Variants in DPH6 observed in about 807,000 individuals in gnomAD.
The protein encoded by DPH6 is diphthine--ammonia ligase.
Under a neutral mutation model 38.2 loss-of-function variants are expected in DPH6, and 33 were observed. The observed-to-expected ratio is 0.86, with a 90% CI of 0.65 to 1.15. The LOEUF (loss-of-function observed/expected upper bound fraction) is 1.15. Ranked by LOEUF, DPH6 falls within the 50% of genes most tolerant of loss-of-function variation. The pLI is 0.00. For missense variants in DPH6, 325 were observed against 320.0 expected (o/e 1.02, Z -0.12); for synonymous variants, 108 against 103.0 (o/e 1.05, Z -0.30).
At chr15:35,430,790 T>G (rs1205223817) in intron 5 of DPH6, among the ~76,000 whole-genome samples, 1 of 152,182 alleles carries the variant, frequency 6.6e-6, no homozygotes, top group African/African-American at 2.4e-5. Flanking sequence ...AAATTATTAT[T>G]TAGAAATTGT....
rs576860866 is a variant in DPH6 at position 35,272,146 on chromosome 15, AC to A, written n.201-51565del. Reference sequence around the variant, plus strand: ...ATAAAAATAACAATACAATAAAAAAACACAAAAAACCAATAGAGTATAACAA... The same window carrying A: ...ATAAAAATAACAATACAATAAAAAAAACAAAAAACCAATAGAGTATAACAA... On this transcript the variant is annotated intron_variant and non_coding_transcript_variant, in intron 3 of 3. Transcript: ENST00000560386. Among the ~76,000 whole-genome samples the A allele has an allele frequency of 1.2e-3, 184 of 152,324 alleles. 1 individual carries two copies. The highest frequency in any genetic ancestry group is 6.8e-3 in the Middle Eastern group (2 of 294).
chr15:35,225,462 G>A (rs888340069), intron 3 of DPH6, among the ~76,000 whole-genome samples: 1 of 152,144 alleles, frequency 6.6e-6, no homozygotes, highest in Non-Finnish European at 1.5e-5. Flanking sequence ...TTATGTATAT[G>A]GTTTTTATAC....
chr15:35,226,122 C>CA (rs2051478880), intron 3 of DPH6, among the ~76,000 whole-genome samples: 1 of 150,568 alleles, frequency 6.6e-6, no homozygotes, highest in African/African-American at 2.4e-5. Flanking sequence ...TATCTCATCA[C>CA]AAAAAATAAA....
the DPH6 span, among the ~76,000 whole-genome samples, chr15:35,208,590 A>G: frequency 1.3e-5 from 2 of 152,238 alleles, no homozygotes; most frequent in South Asian, 4.1e-4. Flanking sequence ...TCTGATCAAA[A>G]GAGACACTAG....
chr15:35,207,905 G>A, the DPH6 span, among the ~76,000 whole-genome samples: 11 of 152,140 alleles, frequency 7.2e-5, no homozygotes, highest in African/African-American at 2.7e-4. Context: ...GTGGGAATTT[G>A]CAATACATTT....
intron 3 of DPH6, among the ~76,000 whole-genome samples, chr15:35,322,106 G>A (rs2052245625): frequency 6.6e-6 from 1 of 152,096 alleles, no homozygotes; most frequent in African/African-American, 2.4e-5. Context: ...ATGGGTCCAC[G>A]TGGGCTCAGA....
At chr15:35,428,517 G>A (rs994846370) in intron 5 of DPH6, among the ~76,000 whole-genome samples, 1 of 152,006 alleles carries the variant, frequency 6.6e-6, no homozygotes, top group African/African-American at 2.4e-5. Flanking sequence ...AAAAAACAAG[G>A]GACATGCAGT....
chr15:35,530,801 T>C (rs2055075390), intron 3 of DPH6, among the ~76,000 whole-genome samples: 1 of 152,244 alleles, frequency 6.6e-6, no homozygotes, highest in African/African-American at 2.4e-5. Flanking sequence ...TCATGCACGC[T>C]TGACTTTATC....
chr15:35,258,224 G>A (rs1029618945), intron 3 of DPH6, among the ~76,000 whole-genome samples: 2 of 152,196 alleles, frequency 1.3e-5, no homozygotes, highest in Non-Finnish European at 2.9e-5. Flanking sequence ...CTAATGGTGT[G>A]AGAGGTAGGA....
intron 3 of DPH6, among the ~76,000 whole-genome samples, chr15:35,294,189 C>T (rs2051999298): frequency 6.6e-6 from 1 of 152,154 alleles, no homozygotes; most frequent in Admixed American, 6.5e-5. Context: ...CCTCCTACTC[C>T]ATCCCCAACC....
At chr15:35,342,618 GC>G (rs1381908523) in intron 3 of DPH6, among the ~76,000 whole-genome samples, 1 of 152,146 alleles carries the variant, frequency 6.6e-6, no homozygotes, top group East Asian at 1.9e-4. Flanking sequence ...GGCCATGTTG[GC>G]CCCTCCAAAG....
the DPH6 span, among the ~76,000 whole-genome samples, chr15:35,150,058 G>A: frequency 1.3e-5 from 2 of 152,216 alleles, no homozygotes; most frequent in African/African-American, 4.8e-5. Flanking sequence ...TTTCTCTGAG[G>A]AGAATGAGGA....
chr15:35,317,759 G>T (rs1280546301), intron 3 of DPH6, among the ~76,000 whole-genome samples: 1 of 152,012 alleles, frequency 6.6e-6, no homozygotes, highest in Non-Finnish European at 1.5e-5. Context: ...GGACTAAAAT[G>T]ATTAATAACA....
chr15:35,396,010 T>G (rs998681826), intron 6 of DPH6, among the ~76,000 whole-genome samples: 2 of 152,190 alleles, frequency 1.3e-5, no homozygotes, highest in African/African-American at 4.8e-5. Context: ...CATATTGGAA[T>G]AGCCACTAAC....
intron 6 of DPH6, among the ~76,000 whole-genome samples, chr15:35,408,524 G>A (rs1016563228): frequency 7.2e-5 from 11 of 151,914 alleles, no homozygotes; most frequent in African/African-American, 1.4e-4. Context: ...AGACTTGGGA[G>A]TCATCAGAAT....
intron 3 of DPH6, chr15:35,521,063 A>G (rs553996546): frequency 3.0e-6 from 3 of 985,108 alleles, no homozygotes; most frequent in Non-Finnish European, 3.6e-6. Context: ...ATTTTATTAC[A>G]AAAGCTCCAG....
In DPH6 at chr15:35,454,685, T is replaced by G. The variant is rs2053974572; in HGVS notation, c.386+62A>C. On this transcript the variant is annotated intron_variant, in intron 4 of 8. Coordinates refer to ENST00000256538, the MANE Select transcript of DPH6 (RefSeq NM_080650.4). ...ATAATTTGAATATGATTATTATTTT[T>G]CACTTATTCACATTCTTAAAACACA... is the stretch of plus-strand genomic sequence containing the variant. 44 of 1,342,506 alleles carry G rather than the reference T, an allele frequency of 3.3e-5. 1 individual carries two copies. In the South Asian group the frequency reaches 5.6e-4, roughly 17 times the overall value. 83.2% of individuals were successfully genotyped at this position (1,342,506 alleles called of 1,614,324 possible).
chr15:35,481,126 CTAGT>C (rs1595401745), intron 3 of DPH6, among the ~76,000 whole-genome samples: 1 of 152,200 alleles, frequency 6.6e-6, no homozygotes, highest in East Asian at 1.9e-4. Flanking sequence ...TGAAATGTGG[CTAGT>C]TAGACTGAGG....
Position 35,363,960 on chromosome 15 carries a change from C to T in DPH6, n.207+9561G>A, listed in dbSNP as rs183958411. On this transcript the variant is annotated intron_variant and non_coding_transcript_variant, in intron 3 of 3. Coordinates refer to the DPH6 transcript ENST00000558973. ...TATGTGCACTGCTTTTTATTTAATT[C>T]TATGTAGATTTTAAACTCGGAGACA... 6.9e-3 allele frequency among the ~76,000 whole-genome samples: 1,056 copies of T among 151,976 alleles called. 15 individuals are homozygous for T. The highest frequency in any genetic ancestry group is 0.024 in the African/African-American group (985 of 41,522).
Sources: allele counts gnomAD v4.1 joint callset (sites outside exome capture counted in the v4.1 genomes callset), GRCh38; gene constraint gnomAD v4.1.1; transcripts MANE v1.5; gene names NCBI Gene and HGNC (gene_info 2026-07-23, HGNC 2026-07-21).